MGA: variants seen among roughly 807,000 people sequenced by gnomAD.
The protein encoded by MGA is MAX gene-associated protein.
In MGA, 40 loss-of-function variants were observed where a neutral mutation model predicts 261.1. The observed-to-expected ratio is 0.15, with a 90% CI of 0.12 to 0.20. The LOEUF (loss-of-function observed/expected upper bound fraction) is 0.20. Ranked by LOEUF, MGA falls within the 10% of genes least tolerant of loss-of-function variation. The pLI is 1.00. For synonymous variants in MGA, 1,302 were observed against 1,290.6 expected (o/e 1.01, Z -0.19); for missense variants, 3,397 against 3,630.5 (o/e 0.94, Z 1.65).
intron 2 of MGA, among the ~76,000 whole-genome samples, chr15:41,671,496 TTA>T (rs2058058379): frequency 6.6e-6 from 1 of 151,888 alleles, no homozygotes; most frequent in African/African-American, 2.4e-5. Context: ...GCTAAATTTT[TTA>T]TATATTTTTT....
At chr15:41,682,143 C>T (rs1195823645) in intron 2 of MGA, among the ~76,000 whole-genome samples, 1 of 152,132 alleles carries the variant, frequency 6.6e-6, no homozygotes, top group Non-Finnish European at 1.5e-5. Context: ...TCTCGAACTC[C>T]TGACCTCAGG....
intron 1 of MGA, among the ~76,000 whole-genome samples, chr15:41,664,243 A>G (rs2057594508): frequency 6.6e-6 from 1 of 152,222 alleles, no homozygotes; most frequent in African/African-American, 2.4e-5. Context: ...ATAGGTTGAT[A>G]TGACTTCTCT....
At chr15:41,639,770 G>A (rs181052287) in intron 1 of MGA, among the ~76,000 whole-genome samples, 1,993 of 151,960 alleles carry the variant, frequency 0.013, 51 homozygotes, top group African/African-American at 0.046. Context: ...GGATGGTCTC[G>A]ATCTCCTGAC....
At chr15:41,687,813 C>A (rs2059049390) in intron 2 of MGA, among the ~76,000 whole-genome samples, 1 of 151,928 alleles carries the variant, frequency 6.6e-6, no homozygotes, top group East Asian at 1.9e-4. Flanking sequence ...ATATAATATT[C>A]TATAAAGGCT....
Position 41,750,380 on chromosome 15 carries a change from G to A in MGA, c.6773G>A (p.Arg2258Lys). 1 of 1,613,922 alleles carries A rather than the reference G, an allele frequency of 6.2e-7. No homozygotes were observed. The highest frequency in any genetic ancestry group is 8.5e-7 in the Non-Finnish European group (1 of 1,179,866). ...CCTTCAGCCTTCTCCATTGTTCCTAGGAGAGCTGCAAAAAGCAGCAGAGGG... is the reference window on the plus strand; with the variant it reads ...CCTTCAGCCTTCTCCATTGTTCCTAAGAGAGCTGCAAAAAGCAGCAGAGGG... The change falls in exon 17 of 24, where the codon AGG (arginine) becomes AAG (lysine). Residue 2258 changes from arginine (R) to lysine (K), a missense_variant. Coordinates refer to ENST00000219905, the MANE Select transcript of MGA (RefSeq NM_001164273.2).
At chr15:41,698,416 C>T (rs548429073) in intron 3 of MGA, among the ~76,000 whole-genome samples, 1 of 152,256 alleles carries the variant, frequency 6.6e-6, no homozygotes, top group East Asian at 1.9e-4. Flanking sequence ...CCACCTGCCT[C>T]GGCCTCCCAA....
At position 41,727,291 on chromosome 15, in the gene MGA, A is replaced by G. The variant is rs1442829494; in HGVS notation, c.3542A>G (p.Glu1181Gly). The G allele has an allele frequency of 3.7e-6, 6 of 1,613,840 alleles. No individual in the cohort carries two copies. Among genetic ancestry groups the G allele is most frequent in the Non-Finnish European group, 5.1e-6 (6 of 1,179,874 alleles). Residue 1181 changes from glutamate (E) to glycine (G), a missense_variant, in exon 10 of 24, where the codon GAG becomes GGG. Physicochemically the swap from Glu to Gly is moderately conservative, Grantham distance 98 (BLOSUM62 -2). Coordinates refer to ENST00000219905, the MANE Select transcript of MGA (RefSeq NM_001164273.2). ...TATATCCCCACGCCTTCTGTCATTG[A>G]GCCTATGAAACCATTGTTATTGCCT...
In MGA at chr15:41,718,585, A is replaced by G. The variant is rs1473301872; in HGVS notation, c.3430+5089A>G. 4.7e-5 allele frequency: 17 copies of G among 363,320 alleles called. 1 individual carries two copies. Among genetic ancestry groups the G allele is most frequent in the South Asian group, 3.8e-4 (5 of 13,282 alleles). The allele number at this position is 363,320 out of a possible 1,614,324, so 22.5% of individuals were successfully genotyped here. On this transcript the variant is annotated intron_variant, in intron 9 of 23. Transcript: ENST00000219905. ...CTGGGCTTCTGCAACTGCTTCTCGAAGTGAGCATCAATAAGATGTTTTGGG... is the reference window on the plus strand; with the variant it reads ...CTGGGCTTCTGCAACTGCTTCTCGAGGTGAGCATCAATAAGATGTTTTGGG...
At chr15:41,704,967 G>A (rs993073991) in intron 5 of MGA, among the ~76,000 whole-genome samples, 1 of 152,126 alleles carries the variant, frequency 6.6e-6, no homozygotes, top group Non-Finnish European at 1.5e-5. Flanking sequence ...GAAGCAAAAC[G>A]ATTTAGAAAT....
At chr15:41,715,095 T>C (rs983805888) in intron 9 of MGA, among the ~76,000 whole-genome samples, 10 of 139,004 alleles carry the variant, frequency 7.2e-5, no homozygotes, top group African/African-American at 2.4e-4. Context: ...GAAAAAGCAG[T>C]GATAGTTAAA....
At chr15:41,651,249 C>T (rs867023133) in intron 1 of MGA, among the ~76,000 whole-genome samples, 1 of 152,162 alleles carries the variant, frequency 6.6e-6, no homozygotes, top group Middle Eastern at 3.2e-3. Flanking sequence ...GTTTCCAATG[C>T]AGGAACTTTC....
At chr15:41,645,596 G>A (rs530549385) in intron 1 of MGA, among the ~76,000 whole-genome samples, 5 of 152,190 alleles carry the variant, frequency 3.3e-5, no homozygotes, top group African/African-American at 1.2e-4. Context: ...AAAAAAAATT[G>A]TTGGATTCTT....
In MGA at chr15:41,749,826, T is replaced by G; in HGVS notation, c.6219T>G (p.Asn2073Lys). 1 of 1,613,902 alleles carries G rather than the reference T, an allele frequency of 6.2e-7. No homozygotes were observed. Among genetic ancestry groups the G allele is most frequent in the Non-Finnish European group, 8.5e-7 (1 of 1,179,868 alleles). The stretch of plus-strand genomic sequence containing the variant: ...TTAATGAAGAATATGGGGCTAGGAA[T>G]CGTAAGAGTTCCAAAGAAAAAGTGG... The change falls in exon 17 of 24, where the codon AAT becomes AAG. Residue 2073 changes from asparagine to lysine, a missense_variant. This residue lies in a region of MGA where 1,410 missense variants were observed against 1,386.4 expected (regional missense o/e 1.02). Transcript: ENST00000219905.
At chr15:41,702,410 C>G (rs982168962) in intron 5 of MGA, among the ~76,000 whole-genome samples, 2 of 151,784 alleles carry the variant, frequency 1.3e-5, no homozygotes, top group South Asian at 4.2e-4. Flanking sequence ...TGATGCCAAT[C>G]CCAGGGCTCT....
intron 1 of MGA, among the ~76,000 whole-genome samples, chr15:41,641,614 CGA>C (rs2056821657): frequency 6.6e-6 from 1 of 151,614 alleles, no homozygotes; most frequent in African/African-American, 2.4e-5. Flanking sequence ...CTCAGCCTCC[CGA>C]GTAGCTGGGA....
At position 41,696,567 on chromosome 15, in the gene MGA, C is replaced by T. The variant is rs773681086; in HGVS notation, c.1557C>T (p.Ala519=). Reference sequence around the variant, plus strand: ...ACATTGAAAATTCCAATGAGACTGCCTTCTGCTTAGGCAAGGAATCAGAAA... The same window carrying T: ...ACATTGAAAATTCCAATGAGACTGCTTTCTGCTTAGGCAAGGAATCAGAAA... Residue 519 remains alanine (A), a synonymous_variant, in exon 3 of 24, where the codon GCC becomes GCT. Transcript: ENST00000219905. 1.6e-4 allele frequency: 260 copies of T among 1,613,852 alleles called. 2 individuals carry two copies. Among genetic ancestry groups the T allele is most frequent in the South Asian group, 1.5e-3 (136 of 91,074 alleles).
rs1355406632 is a variant in MGA, at chr15:41,736,385, T to A, written c.4121T>A (p.Ile1374Asn). 1 of 1,614,014 alleles carries A rather than the reference T, an allele frequency of 6.2e-7. No individual in the cohort carries two copies. Among genetic ancestry groups the A allele is most frequent in the African/African-American group, 1.3e-5 (1 of 75,052 alleles). ...TCACTTAAGGTGGGCAGCTTCATCA[T>A]TGAGTTGGCTTCTCAGCGAAAGAGC... The change falls in exon 13 of 24, where the codon ATT (isoleucine) becomes AAT (asparagine). Residue 1374 changes from isoleucine to asparagine, a missense_variant. This residue lies in a region of MGA where 1,410 missense variants were observed against 1,386.4 expected (regional missense o/e 1.02). Transcript: ENST00000219905.
Position 41,707,820 on chromosome 15 carries a change from C to G in MGA, c.2281C>G (p.Pro761Ala), listed in dbSNP as rs746318765. The change falls in exon 6 of 24, where the codon CCT (proline) becomes GCT (alanine). Residue 761 changes from proline to alanine, a missense_variant. Physicochemically the swap from Pro to Ala is conservative, Grantham distance 27 (BLOSUM62 -1). Coordinates refer to ENST00000219905, the MANE Select transcript of MGA (RefSeq NM_001164273.2). ...ACCTTTGGCTCCAGCTACTAGCTTTCCTTTTTGGAACCTTACAGGAACCAA... is the reference window on the plus strand; with the variant it reads ...ACCTTTGGCTCCAGCTACTAGCTTTGCTTTTTGGAACCTTACAGGAACCAA... 3 of 1,613,906 alleles carry G rather than the reference C, an allele frequency of 1.9e-6. No individual in the cohort carries two copies. In the East Asian group the frequency reaches 6.7e-5, roughly 36 times the overall value.
At position 41,709,484 on chromosome 15, in the gene MGA, G is replaced by C. The variant is rs571786870; in HGVS notation, c.2426-1207G>C. On this transcript the variant is annotated intron_variant, in intron 7 of 23. Coordinates refer to ENST00000219905, the MANE Select transcript of MGA (RefSeq NM_001164273.2). ...TTTAAAGACGGGGTCTTGCTCCATT[G>C]CCCAGGTTGGAGTGCAGTGGTCCAA... Among the ~76,000 whole-genome samples, 3 of 152,008 alleles carry C rather than the reference G, an allele frequency of 2.0e-5. No homozygotes were observed. The South Asian group carries it at 6.2e-4, about 32-fold the overall frequency.
Sources: allele counts gnomAD v4.1 joint callset (sites outside exome capture counted in the v4.1 genomes callset), GRCh38; gene constraint gnomAD v4.1.1; regional missense constraint gnomAD v4.1.1; transcripts MANE v1.5; gene names NCBI Gene and HGNC (gene_info 2026-07-23, HGNC 2026-07-21).